Variants in ABCF1 observed in about 807,000 individuals in gnomAD.
The protein encoded by ABCF1 is ATP binding cassette subfamily F member 1.
A neutral mutation model predicts 126.3 loss-of-function variants in ABCF1; 73 were observed. That is an observed-to-expected ratio of 0.58 (90% CI 0.48 to 0.70). ABCF1 has a LOEUF of 0.70. Among genes scored for constraint, ABCF1 ranks in the 30% least tolerant of loss-of-function variants. ABCF1 has a pLI of 0.00. For synonymous variants in ABCF1, 345 were observed against 396.4 expected, an observed-to-expected ratio of 0.87 and a Z score of 1.54; for missense variants, 786 against 1,057.5, an observed-to-expected ratio of 0.74 and a Z score of 3.56.
rs1312134005 is a variant in ABCF1 at position 30,584,505 on chromosome 6, AT to A, written c.1331del (p.Met444SerfsTer30). On this transcript the variant is annotated frameshift_variant, in exon 14 of 25. Coordinates refer to ENST00000326195, the MANE Select transcript of ABCF1 (RefSeq NM_001025091.2). LOFTEE classifies it high-confidence loss of function. This position sits in a 1 kb window ranked among gnomAD's most constrained non-coding sequence, Gnocchi z 4.6. ...GGCTGGCCTGGGCTTTGACCCTGAA[AT>A]GCAGAATCGACCCACACAGAAGTTC... is the stretch of plus-strand genomic sequence containing the variant. ...ILAGLGFDPE[M>X]QNRPTQKFSG... The A allele has an allele frequency of 6.2e-7, 1 of 1,612,908 alleles. No homozygotes were observed. Among genetic ancestry groups the A allele is most frequent in the South Asian group, 1.1e-5 (1 of 91,084 alleles).
At chr6:30,590,021 T>A in intron 22 of ABCF1, 47 bp downstream of exon 22, 2 of 1,608,118 alleles carry the variant, frequency 1.2e-6, no homozygotes, top group Non-Finnish European at 1.7e-6. Flanking sequence ...TTATCATTCA[T>A]GTCTACAAAC....
Position 30,586,344 on chromosome 6 carries a change from C to A in ABCF1, c.1885+39C>A. On this transcript the variant is annotated intron_variant, in intron 18 of 24. Coordinates refer to ENST00000326195, the MANE Select transcript of ABCF1 (RefSeq NM_001025091.2). The surrounding 1 kb of genome is among the most constrained non-coding windows in gnomAD (Gnocchi z 4.9). ...GCCTCTGCTGCTCCACAGGAAGCAC[C>A]GGAAGCATGTATGTGCACCCTAAAT... is the stretch of plus-strand genomic sequence containing the variant. The A allele has an allele frequency of 6.3e-7, 1 of 1,599,258 alleles. No homozygotes were observed. Among genetic ancestry groups the A allele is most frequent in the South Asian group, 1.1e-5 (1 of 89,482 alleles).
chr6:30,582,015 A>C (rs567051160), intron 8 of ABCF1, among the ~76,000 whole-genome samples: 149 of 151,956 alleles, frequency 9.8e-4, no homozygotes, highest in African/African-American at 3.2e-3. Flanking sequence ...CAGGGGGCAG[A>C]TGATGTGAAA....
intron 22 of ABCF1, 28 bp from the exon 23 acceptor site, chr6:30,590,121 T>C (rs1446039230): frequency 1.9e-6 from 3 of 1,612,944 alleles, no homozygotes; most frequent in Middle Eastern, 1.7e-4. Context: ...GTGCTAGGTG[T>C]GACAGCCCTC....
At position 30,580,173 on chromosome 6, in the gene ABCF1, G is replaced by A. The variant is rs532199776; in HGVS notation, c.564+168G>A. 6.6e-5 allele frequency among the ~76,000 whole-genome samples: 10 copies of A among 151,908 alleles called. No individual in the cohort carries two copies. The East Asian group carries it at 7.8e-4, about 12-fold the overall frequency. ...CATCCTGGTAACACGGTAAAACCCCGTCTCTACTAAAAATACAAAAAAAAT... is the reference window on the plus strand; with the variant it reads ...CATCCTGGTAACACGGTAAAACCCCATCTCTACTAAAAATACAAAAAAAAT... On this transcript the variant is annotated intron_variant, in intron 7 of 24. Transcript: ENST00000326195.
rs1280096844 is a variant in ABCF1 at position 30,586,267 on chromosome 6, A to AC, written c.1853dup (p.Pro619ThrfsTer24). ...TACACTGTGCGCTTCACTTTTCCAG[A>AC]CCCCCCACCACTCAGCCCTCCAGTG... is the stretch of plus-strand genomic sequence containing the variant. On this transcript the variant is annotated frameshift_variant, in exon 18 of 25. Coordinates refer to ENST00000326195, the MANE Select transcript of ABCF1 (RefSeq NM_001025091.2). LOFTEE classifies it high-confidence loss of function. The surrounding 1 kb of genome is among the most constrained non-coding windows in gnomAD (Gnocchi z 4.9). 5 of 1,610,768 alleles carry AC rather than the reference A, an allele frequency of 3.1e-6. No individual in the cohort carries two copies. Among genetic ancestry groups the AC allele is most frequent in the East Asian group, 2.2e-5 (1 of 44,810 alleles).
rs757818955 is a variant in ABCF1 at position 30,580,526 on chromosome 6, A to G, written c.678+7A>G. 1 of 1,490,382 alleles carries G rather than the reference A, an allele frequency of 6.7e-7. No individual in the cohort carries two copies. Among genetic ancestry groups the G allele is most frequent in the East Asian group, 2.6e-5 (1 of 37,842 alleles). 92.3% of individuals were successfully genotyped at this position (1,490,382 alleles called of 1,614,324 possible). On this transcript the variant is annotated splice_region_variant and intron_variant, in intron 8 of 24. Transcript: ENST00000326195. ...GGCCAAGAAGGCAGAGCAGGTGTGT[A>G]TTTGGTGTTGGGGCAAGGTGGAATG... is the stretch of plus-strand genomic sequence containing the variant.
At position 30,591,396 on chromosome 6, in the gene ABCF1, AG is replaced by A. The variant is rs2127421322; in HGVS notation, c.*696del. Reference sequence around the variant, plus strand: ...ATTCAGTTTTCTAGCAGCTTTTAATAGTCCCCTCTTCCCCACTAAATGGATC... The same window carrying A: ...ATTCAGTTTTCTAGCAGCTTTTAATATCCCCTCTTCCCCACTAAATGGATC... On this transcript the variant is annotated 3_prime_UTR_variant, in exon 25 of 25. Coordinates refer to ENST00000326195, the MANE Select transcript of ABCF1 (RefSeq NM_001025091.2). 6.6e-6 allele frequency: 1 copy of A among 152,266 alleles called. No homozygotes were observed. Among genetic ancestry groups the A allele is most frequent in the African/African-American group, 2.4e-5 (1 of 41,520 alleles). The allele number at this position is 152,266 out of a possible 1,614,324, so 9.4% of individuals were successfully genotyped here. A position where few individuals can be genotyped will look rare whatever the true frequency, so the allele number is the denominator to read the frequency against.
chr6:30,571,977 A>G (rs1257861339), intron 1 of ABCF1, among the ~76,000 whole-genome samples: 2 of 152,010 alleles, frequency 1.3e-5, no homozygotes, highest in African/African-American at 4.8e-5. Context: ...CTTGTTTCTC[A>G]AGAGAGGGTG....
In ABCF1 at chr6:30,590,731, C is replaced by A; in HGVS notation, c.*30C>A. On this transcript the variant is annotated 3_prime_UTR_variant, in exon 25 of 25. Coordinates refer to ENST00000326195, the MANE Select transcript of ABCF1 (RefSeq NM_001025091.2). ...TCCTTCCCAGAAGTCTCCCGAGAGACATATTTGTGTGGCCTAGAAGTCCTC... is the reference window on the plus strand; with the variant it reads ...TCCTTCCCAGAAGTCTCCCGAGAGAAATATTTGTGTGGCCTAGAAGTCCTC... 1 of 1,582,494 alleles carries A rather than the reference C, an allele frequency of 6.3e-7. No homozygotes were observed. The highest frequency in any genetic ancestry group is 8.6e-7 in the Non-Finnish European group (1 of 1,164,736).
At position 30,584,124 on chromosome 6, in the gene ABCF1, T is replaced by C. The variant is rs1441557346; in HGVS notation, c.1103-68T>C. The C allele has an allele frequency of 4.5e-6, 7 of 1,558,728 alleles. No individual in the cohort carries two copies. Among genetic ancestry groups the C allele is most frequent in the Middle Eastern group, 1.7e-4 (1 of 5,812 alleles). On this transcript the variant is annotated intron_variant, in intron 12 of 24. Transcript: ENST00000326195. The surrounding 1 kb of genome is among the most constrained non-coding windows in gnomAD (Gnocchi z 4.6). ...AGGGTCAGGCAAAACAGAAATGTAA[T>C]TGAAGGGAAAGAAAGATGAGACTCT... is the stretch of plus-strand genomic sequence containing the variant.
chr6:30,585,340 A>G lies in ABCF1; in HGVS notation c.1472A>G (p.Asn491Ser). Reference protein sequence around the residue: ...HLDLNAVIWLNNYLQGWRKTL... With the variant: ...HLDLNAVIWLSNYLQGWRKTL... ...GACCTCAACGCTGTCATCTGGCTTA[A>G]TAAGTGCGTTACGGCCTTTGCATCA... Residue 491 changes from asparagine (N) to serine (S), a missense_variant, in exon 15 of 25, where the codon AAT (asparagine) becomes AGT (serine). By Grantham distance (46) the Asn-to-Ser change is conservative. Around this residue, in one of 4 missense-constraint regions of ABCF1, gnomAD observed 13 missense variants for 55.8 expected, o/e 0.23. Transcript: ENST00000326195. The G allele has an allele frequency of 1.2e-6, 2 of 1,612,988 alleles. No individual in the cohort carries two copies. The highest frequency in any genetic ancestry group is 1.7e-6 in the Non-Finnish European group (2 of 1,179,620).
At chr6:30,585,382 A>C (rs374289890) in intron 15 of ABCF1, 39 bp downstream of exon 15, 11 of 1,602,658 alleles carry the variant, frequency 6.9e-6, no homozygotes, top group Non-Finnish European at 9.4e-6. Flanking sequence ...CCCATTCTGC[A>C]CTTTCTTCCC....
At chr6:30,588,456 G>C in intron 20 of ABCF1, among the ~76,000 whole-genome samples, 1 of 151,988 alleles carries the variant, frequency 6.6e-6, no homozygotes, top group East Asian at 1.9e-4. Context: ...CCGTCTCCTG[G>C]GTTCACGCGA....
At chr6:30,589,123 T>A (rs1328961657) in intron 20 of ABCF1, among the ~76,000 whole-genome samples, 1 of 152,062 alleles carries the variant, frequency 6.6e-6, no homozygotes, top group East Asian at 1.9e-4. Flanking sequence ...CTCAGCCTCC[T>A]GAGTAGCTGG....
rs781663400 is a variant in ABCF1 at position 30,580,536 on chromosome 6, G to C, written c.678+17G>C. 1 of 1,443,486 alleles carries C rather than the reference G, an allele frequency of 6.9e-7. No individual in the cohort carries two copies. The highest frequency in any genetic ancestry group is 1.5e-5 in the African/African-American group (1 of 66,340). The allele number at this position is 1,443,486 out of a possible 1,614,324, so 89.4% of individuals were successfully genotyped here. On this transcript the variant is annotated intron_variant, in intron 8 of 24. Transcript: ENST00000326195. ...GCAGAGCAGGTGTGTATTTGGTGTT[G>C]GGGCAAGGTGGAATGAGGGACTAGG... is the stretch of plus-strand genomic sequence containing the variant.
chr6:30,575,634 A>G (rs1337946839), intron 1 of ABCF1, among the ~76,000 whole-genome samples: 1 of 152,012 alleles, frequency 6.6e-6, no homozygotes, highest in Non-Finnish European at 1.5e-5. Flanking sequence ...GTTACTCTCT[A>G]GAATGAAAGC....
rs1455248815 is a variant in ABCF1 at position 30,584,974 on chromosome 6, C to G, written c.1392-286C>G. On this transcript the variant is annotated intron_variant, in intron 14 of 24. Coordinates refer to ENST00000326195, the MANE Select transcript of ABCF1 (RefSeq NM_001025091.2). This position sits in a 1 kb window ranked among gnomAD's most constrained non-coding sequence, Gnocchi z 4.6. ...TTTAAAGATCAGCTGGATATGGTGGCGCACGCTGTGGTCACAGCTACTCTG... is the reference window on the plus strand; with the variant it reads ...TTTAAAGATCAGCTGGATATGGTGGGGCACGCTGTGGTCACAGCTACTCTG... Among the ~76,000 whole-genome samples the G allele has an allele frequency of 2.0e-5, 3 of 152,052 alleles. No individual in the cohort carries two copies. The highest frequency in any genetic ancestry group is 2.0e-4 in the Admixed American group (3 of 15,254).
At chr6:30,577,565 A>G in intron 2 of ABCF1, 110 bp downstream of exon 2, 1 of 1,361,338 alleles carries the variant, frequency 7.3e-7, no homozygotes, top group African/African-American at 1.5e-5. Context: ...GATCTTGTCA[A>G]GAGAGGAGAT....
Sources: allele counts gnomAD v4.1 joint callset (sites outside exome capture counted in the v4.1 genomes callset), GRCh38; gene constraint gnomAD v4.1.1; regional missense constraint gnomAD v4.1.1; non-coding constraint Gnocchi (gnomAD v3.1); transcripts MANE v1.5; gene names NCBI Gene and HGNC (gene_info 2026-07-23, HGNC 2026-07-21).